The following COL2A1 variants were observed in gnomAD, a reference collection of about 807,000 sequenced individuals.
The protein encoded by COL2A1 is collagen type II alpha 1 chain.
A neutral mutation model predicts 204.5 loss-of-function variants in COL2A1; 28 were observed. The ratio of observed to expected loss-of-function variants is 0.14; its 90% CI spans 0.10 to 0.19. The LOEUF is 0.19. Among genes scored for constraint, COL2A1 ranks in the 10% least tolerant of loss-of-function variants. The probability of loss-of-function intolerance (pLI) is 1.00; values close to 1 mark genes in which losing one functional copy is unlikely to be tolerated. For missense variants in COL2A1, 1,388 were observed against 2,027.5 expected, an observed-to-expected ratio of 0.68 and a Z score of 6.06; for synonymous variants, 708 against 718.7, an observed-to-expected ratio of 0.99 and a Z score of 0.24.
At position 47,985,299 on chromosome 12, in the gene COL2A1, G is replaced by A. The variant is rs58724054; in HGVS notation, c.1735-206C>T. ...AAGCTGCCCCAGAAAGTGCACACAC[G>A]ATGTCATCATTCCCCCAAGGATAAG... On this transcript the variant is annotated intron_variant, in intron 26 of 53. Transcript: ENST00000380518. 5.0e-3 allele frequency among the ~76,000 whole-genome samples: 755 copies of A among 152,250 alleles called. 12 individuals are homozygous for A. The highest frequency in any genetic ancestry group is 0.017 in the African/African-American group (695 of 41,532).
intron 11 of COL2A1, 129 bp downstream of exon 11, chr12:47,995,126 G>A: frequency 1.3e-6 from 1 of 798,014 alleles, no homozygotes; most frequent in South Asian, 1.4e-5. Context: ...GTCAGGGTTT[G>A]GGACTGCCCA....
In COL2A1 at chr12:47,973,400, C is replaced by T. The variant is rs1938530774; in HGVS notation, c.*7G>A. The T allele has an allele frequency of 6.2e-7, 1 of 1,614,120 alleles. No individual in the cohort carries two copies. The highest frequency in any genetic ancestry group is 1.3e-5 in the African/African-American group (1 of 75,014). On this transcript the variant is annotated 3_prime_UTR_variant, in exon 54 of 54. Coordinates refer to ENST00000380518, the MANE Select transcript of COL2A1 (RefSeq NM_001844.5). ...CAACGGATTGTGTTGTTTCTGGGTT[C>T]AGGTTTTTACAAGAAGCAGACCGGC...
In COL2A1 at chr12:47,975,611, G is replaced by T; in HGVS notation, c.3598-6C>A. The T allele has an allele frequency of 6.3e-7, 1 of 1,598,820 alleles. No individual in the cohort carries two copies. The highest frequency in any genetic ancestry group is 8.5e-7 in the Non-Finnish European group (1 of 1,179,606). On this transcript the variant is annotated splice_polypyrimidine_tract_variant and splice_region_variant and intron_variant, in intron 50 of 53. Transcript: ENST00000380518. ...CCAGGATTTCCAGGAGGACCCTGCAGCAGGAAACAGAGAGATCAGCCAGGA... is the reference window on the plus strand; with the variant it reads ...CCAGGATTTCCAGGAGGACCCTGCATCAGGAAACAGAGAGATCAGCCAGGA...
Position 47,985,763 on chromosome 12 carries a change from C to T in COL2A1, c.1645G>A (p.Gly549Ser), listed in dbSNP as rs907944585. The T allele has an allele frequency of 6.2e-7, 1 of 1,613,784 alleles. No homozygotes were observed. The highest frequency in any genetic ancestry group is 1.3e-5 in the African/African-American group (1 of 74,912). ...AGPKGANGDP[G>S]RPGEPGLPGA... ...GGAAGGCCAGGTTCTCCAGGACGGC[C>T]AGGGTCACCGTTGGCTCCCTTGGGG... is the stretch of plus-strand genomic sequence containing the variant. The change falls in exon 25 of 54, where the codon GGC (glycine) becomes AGC (serine). Residue 549 changes from glycine to serine, a missense_variant. Coordinates refer to ENST00000380518, the MANE Select transcript of COL2A1 (RefSeq NM_001844.5).
chr12:47,987,503 TGAA>T lies in COL2A1; in HGVS notation c.1221+105_1221+107del. On this transcript the variant is annotated intron_variant, in intron 19 of 53. Coordinates refer to ENST00000380518, the MANE Select transcript of COL2A1 (RefSeq NM_001844.5). The surrounding 1 kb of genome is among the most constrained non-coding windows in gnomAD (Gnocchi z 4.1). Reference sequence around the variant, plus strand: ...GGTGGGGACAGGCATTGGGCCAGAATGAAGGTTTGGTGGTTGGAGCCCACAACT... The same window carrying T: ...GGTGGGGACAGGCATTGGGCCAGAATGGTTTGGTGGTTGGAGCCCACAACT... 2 of 1,138,882 alleles carry T rather than the reference TGAA, an allele frequency of 1.8e-6. No individual in the cohort carries two copies. The highest frequency in any genetic ancestry group is 2.6e-6 in the Non-Finnish European group (2 of 772,254). 70.5% of individuals were successfully genotyped at this position (1,138,882 alleles called of 1,614,324 possible).
intron 16 of COL2A1, 131 bp downstream of exon 16, chr12:47,992,747 T>G: frequency 1.1e-6 from 1 of 939,930 alleles, no homozygotes; most frequent in Non-Finnish European, 1.7e-6. Flanking sequence ...ATGGGCACAC[T>G]GGGGGTGAAT....
rs759208689 is a variant in COL2A1, at chr12:47,985,806, C to T, written c.1602G>A (p.Gly534=). 1 of 1,611,672 alleles carries T rather than the reference C, an allele frequency of 6.2e-7. No homozygotes were observed. ...CCTTGGGGCCAGCAAGACCACTGGG[C>T]CCTCGCTCTCCAGGGGCTCCCTACA... ...AGPKGAPGER[G]PSGLAGPKGA... is the part of the protein sequence containing the mutation. Residue 534 remains glycine, a synonymous_variant, in exon 25 of 54, where the codon GGG becomes GGA. Coordinates refer to ENST00000380518, the MANE Select transcript of COL2A1 (RefSeq NM_001844.5).
In COL2A1 at chr12:47,998,119, C is replaced by T. The variant is rs1184441645; in HGVS notation, c.342+50G>A. On this transcript the variant is annotated intron_variant, in intron 4 of 53. Transcript: ENST00000380518. ...GTTAGAGGAGAGCACAAGGAAATGACCCATTTAGAGCAGCAGCTGCAATAC... is the reference window on the plus strand; with the variant it reads ...GTTAGAGGAGAGCACAAGGAAATGATCCATTTAGAGCAGCAGCTGCAATAC... 6 of 1,614,176 alleles carry T rather than the reference C, an allele frequency of 3.7e-6. No individual in the cohort carries two copies. In the Admixed American group the frequency reaches 1.0e-4, roughly 27 times the overall value.
At chr12:47,975,918 A>G in intron 50 of COL2A1, 45 bp downstream of exon 50, 5 of 1,452,070 alleles carry the variant, frequency 3.4e-6, no homozygotes, top group South Asian at 1.1e-5. Flanking sequence ...AGCCTCCCGG[A>G]TGGTAGGGAC....
At chr12:47,986,551 G>GA (rs548290809) in intron 22 of COL2A1, 108 bp from the exon 23 acceptor site, 4 of 775,626 alleles carry the variant, frequency 5.2e-6, no homozygotes, top group South Asian at 1.6e-5. Flanking sequence ...TCAGGGCTGG[G>GA]GGGGGGCTTG....
At chr12:47,983,276 A>G in intron 31 of COL2A1, 109 bp downstream of exon 31, 1 of 1,479,990 alleles carries the variant, frequency 6.8e-7, no homozygotes, top group Non-Finnish European at 9.3e-7. Context: ...GGTCCAGGAC[A>G]TTCCCAGGCC....
chr12:48,000,228 A>G, intron 1 of COL2A1, 103 bp from the exon 2 acceptor site: 1 of 795,700 alleles, frequency 1.3e-6, no homozygotes, highest in African/African-American at 1.7e-5. Context: ...ACAGAATTCA[A>G]ATGCTGAAGA....
At position 47,976,036 on chromosome 12, in the gene COL2A1, T is replaced by A. The variant is rs1227656207; in HGVS notation, c.3524A>T (p.Asp1175Val). The change falls in exon 50 of 54, where the codon GAT (aspartate) becomes GTT (valine). Residue 1175 changes from aspartate to valine, a missense_variant. Physicochemically the swap from Asp to Val is radical, Grantham distance 152. Around this residue, in one of 3 missense-constraint regions of COL2A1, gnomAD observed 884 missense variants for 1,415.8 expected, o/e 0.62. Coordinates refer to ENST00000380518, the MANE Select transcript of COL2A1 (RefSeq NM_001844.5). This position sits in a 1 kb window ranked among gnomAD's most constrained non-coding sequence, Gnocchi z 4.3. ...PPGPVGPSGKDGANGIPGPIG... is the reference protein window; with the variant it reads ...PPGPVGPSGKVGANGIPGPIG... ...GGGGCCAGGGATTCCATTAGCACCA[T>A]CTTTGCCAGAGGGACCGACGGGGCC... 1.9e-6 allele frequency: 3 copies of A among 1,613,680 alleles called. No homozygotes were observed. The highest frequency in any genetic ancestry group is 2.2e-5 in the East Asian group (1 of 44,824).
Position 47,984,118 on chromosome 12 carries a change from T to C in COL2A1, c.1910A>G (p.Glu637Gly), listed in dbSNP as rs1939251158. Reference sequence around the variant, plus strand: ...GCCAGGGGGTCCTGCAGCACCTGTCTCACCATCTTTGCCAGGAAGACCCTA... The same window carrying C: ...GCCAGGGGGTCCTGCAGCACCTGTCCCACCATCTTTGCCAGGAAGACCCTA... ...GLRGLPGKDG[E>G]TGAAGPPGPA... The change falls in exon 29 of 54, where the codon GAG (glutamate) becomes GGG (glycine). Residue 637 changes from glutamate to glycine, a missense_variant. This residue lies in a region of COL2A1 where 884 missense variants were observed against 1,415.8 expected (regional missense o/e 0.62). Coordinates refer to ENST00000380518, the MANE Select transcript of COL2A1 (RefSeq NM_001844.5). 6.2e-7 allele frequency: 1 copy of C among 1,613,548 alleles called. No homozygotes were observed. The highest frequency in any genetic ancestry group is 8.5e-7 in the Non-Finnish European group (1 of 1,179,874).
In COL2A1 at chr12:47,999,974, C is replaced by T; in HGVS notation, c.237G>A (p.Glu79=). ...TGGGGCAGCACTCTCCGAAGGGGATCTCAGGGCTGAGGCAGTCTTTCACGT... is the reference window on the plus strand; with the variant it reads ...TGGGGCAGCACTCTCCGAAGGGGATTTCAGGGCTGAGGCAGTCTTTCACGT... The part of the protein sequence containing the change: ...CEDVKDCLSP[E]IPFGECCPIC... The change falls in exon 2 of 54, where the codon GAG becomes GAA. Residue 79 remains glutamate, a synonymous_variant. Coordinates refer to ENST00000380518, the MANE Select transcript of COL2A1 (RefSeq NM_001844.5). 3.1e-6 allele frequency: 5 copies of T among 1,614,232 alleles called. No homozygotes were observed. Among genetic ancestry groups the T allele is most frequent in the Non-Finnish European group, 4.2e-6 (5 of 1,180,052 alleles).
intron 1 of COL2A1, among the ~76,000 whole-genome samples, chr12:48,003,866 C>A (rs186522285): frequency 1.3e-3 from 197 of 152,286 alleles, no homozygotes; most frequent in African/African-American, 4.3e-3. Context: ...TTGCTGAACT[C>A]GAAGTGCTTC....
chr12:48,000,019 G>A lies in COL2A1; in HGVS notation c.192C>T (p.Cys64=), dbSNP rs121912897. 24 of 1,613,782 alleles carry A rather than the reference G, an allele frequency of 1.5e-5. No homozygotes were observed. Among genetic ancestry groups the A allele is most frequent in the African/African-American group, 1.2e-4 (9 of 75,038 alleles). Residue 64 remains cysteine, a synonymous_variant, in exon 2 of 54, where the codon TGC becomes TGT. Coordinates refer to ENST00000380518, the MANE Select transcript of COL2A1 (RefSeq NM_001844.5). The part of the protein sequence containing the change: ...ICVCDTGTVL[C]DDIICEDVKD... ...TCACGTCTTCACAGATTATGTCGTCGCAGAGGACAGTCCCAGTGTCACAGA... is the reference window on the plus strand; with the variant it reads ...TCACGTCTTCACAGATTATGTCGTCACAGAGGACAGTCCCAGTGTCACAGA...
intron 17 of COL2A1, among the ~76,000 whole-genome samples, chr12:47,989,544 G>T (rs1005824158): frequency 6.6e-6 from 1 of 152,194 alleles, no homozygotes; most frequent in African/African-American, 2.4e-5. Flanking sequence ...TAAAAAGACT[G>T]CTGAAAGGAT....
rs1488247209 is a variant in COL2A1, at chr12:47,976,269, A to G, written c.3490-199T>C. Among the ~76,000 whole-genome samples, 2 of 152,024 alleles carry G rather than the reference A, an allele frequency of 1.3e-5. No homozygotes were observed. Among genetic ancestry groups the G allele is most frequent in the Non-Finnish European group, 2.9e-5 (2 of 68,020 alleles). On this transcript the variant is annotated intron_variant, in intron 49 of 53. Transcript: ENST00000380518. This position sits in a 1 kb window ranked among gnomAD's most constrained non-coding sequence, Gnocchi z 4.3. ...AGCTCCATGGCTTGCCTACCCTCCT[A>G]AGCTCCTCTTTGTAAAATGCTGTTC...
Sources: allele counts gnomAD v4.1 joint callset (sites outside exome capture counted in the v4.1 genomes callset), GRCh38; gene constraint gnomAD v4.1.1; regional missense constraint gnomAD v4.1.1; non-coding constraint Gnocchi (gnomAD v3.1); transcripts MANE v1.5; gene names NCBI Gene and HGNC (gene_info 2026-07-23, HGNC 2026-07-21).